CREBBP: variants seen among roughly 807,000 people sequenced by gnomAD.
CREBBP encodes the protein CREB-binding protein.
CREBBP carries 19 observed loss-of-function variants against 265.0 expected under a neutral mutation model. That is an observed-to-expected ratio of 0.07 (90% CI 0.05 to 0.11). The LOEUF (loss-of-function observed/expected upper bound fraction) is 0.11, where lower values mean the gene tolerates loss of function less well. CREBBP is among the 10% of genes least tolerant of loss of function. CREBBP has a pLI of 1.00. For missense variants in CREBBP, 2,525 were observed against 3,219.0 expected (o/e 0.78, Z 5.22); for synonymous variants, 1,457 against 1,223.7 (o/e 1.19, Z -3.98).
chr16:3,810,351 C>T (rs945498056), intron 3 of CREBBP, among the ~76,000 whole-genome samples: 9 of 152,294 alleles, frequency 5.9e-5, no homozygotes, highest in Non-Finnish European at 1.3e-4. Flanking sequence ...GATTCGTGCA[C>T]GTGAATTCTC....
At chr16:3,852,787 C>A (rs2054879544) in intron 1 of CREBBP, among the ~76,000 whole-genome samples, 1 of 152,108 alleles carries the variant, frequency 6.6e-6, no homozygotes, top group Admixed American at 6.5e-5. Context: ...CAAATGGGAA[C>A]TAAAACAACC....
intron 2 of CREBBP, among the ~76,000 whole-genome samples, chr16:3,819,028 C>T (rs2054092923): frequency 6.6e-6 from 1 of 152,260 alleles, no homozygotes. Context: ...AGTTCACCGG[C>T]CTCACGCCAG....
chr16:3,731,738 G>T lies in CREBBP; in HGVS notation c.4890+38C>A, dbSNP rs753164092. ...AGCTGCGAGTCTTTCCCTCCTCCCG[G>T]CCAGAGGCACGGCTGCAGCACCGCA... On this transcript the variant is annotated intron_variant, in intron 29 of 30. Transcript: ENST00000262367. The surrounding 1 kb of genome is among the most constrained non-coding windows in gnomAD (Gnocchi z 7.7). 7 of 1,613,330 alleles carry T rather than the reference G, an allele frequency of 4.3e-6. No individual in the cohort carries two copies. The African/African-American group carries it at 8.0e-5, about 18-fold the overall frequency.
At chr16:3,860,843 G>T (rs1224282736) in intron 1 of CREBBP, among the ~76,000 whole-genome samples, 1 of 151,890 alleles carries the variant, frequency 6.6e-6, no homozygotes, top group African/African-American at 2.4e-5. Context: ...TGTGTTTACT[G>T]ATCTATTACT....
chr16:3,754,903 T>TGA (rs1479171053), intron 19 of CREBBP, among the ~76,000 whole-genome samples: 1 of 152,136 alleles, frequency 6.6e-6, no homozygotes, highest in Admixed American at 6.5e-5. Context: ...TAGTCAAAGT[T>TGA]GAAAATAAAA....
At position 3,767,445 on chromosome 16, in the gene CREBBP, G is replaced by A. The variant is rs376988626; in HGVS notation, c.3250+275C>T. The A allele has an allele frequency of 2.5e-5, 14 of 552,404 alleles. No individual in the cohort carries two copies. In the Admixed American group the frequency reaches 3.6e-4, roughly 14 times the overall value. 34.2% of individuals were successfully genotyped at this position (552,404 alleles called of 1,614,324 possible). On this transcript the variant is annotated intron_variant, in intron 16 of 30. Transcript: ENST00000262367. ...CAAGGACCCAGACACATTTCAACTC[G>A]GCCCCTGCCAGCACCATCAGAAGAC...
At chr16:3,746,389 C>T (rs1408223439) in intron 21 of CREBBP, among the ~76,000 whole-genome samples, 1 of 152,084 alleles carries the variant, frequency 6.6e-6, no homozygotes, top group Non-Finnish European at 1.5e-5. Context: ...GGCACCCGTT[C>T]ATGGTCCTAT....
chr16:3,864,925 G>T (rs1190198663), intron 1 of CREBBP, among the ~76,000 whole-genome samples: 1 of 152,164 alleles, frequency 6.6e-6, no homozygotes, highest in Admixed American at 6.5e-5. Flanking sequence ...AAATTAGCGG[G>T]GCATGGTAGT....
chr16:3,807,566 C>T (rs1273868007), intron 3 of CREBBP, among the ~76,000 whole-genome samples: 2 of 152,126 alleles, frequency 1.3e-5, no homozygotes, highest in African/African-American at 4.8e-5. Context: ...TGTGTAAGCA[C>T]GGGCTGGTGA....
At chr16:3,745,820 G>A (rs1239194499) in intron 21 of CREBBP, among the ~76,000 whole-genome samples, 2 of 152,244 alleles carry the variant, frequency 1.3e-5, no homozygotes, top group Non-Finnish European at 2.9e-5. Flanking sequence ...AACACGGCCA[G>A]TTCAGAGCAG....
At chr16:3,818,526 G>A (rs1009036985) in intron 2 of CREBBP, among the ~76,000 whole-genome samples, 1 of 151,972 alleles carries the variant, frequency 6.6e-6, no homozygotes, top group Non-Finnish European at 1.5e-5. Context: ...TAAAGACCAC[G>A]TTGGCCAGGC....
intron 21 of CREBBP, among the ~76,000 whole-genome samples, 193 bp downstream of exon 21, chr16:3,749,434 G>C (rs1055672606): frequency 6.6e-6 from 1 of 152,146 alleles, no homozygotes; most frequent in African/African-American, 2.4e-5. Context: ...AGTAACTAGA[G>C]TACATGTTAC....
intron 3 of CREBBP, among the ~76,000 whole-genome samples, chr16:3,808,905 A>G (rs1429394092): frequency 1.3e-5 from 2 of 152,104 alleles, no homozygotes; most frequent in Non-Finnish European, 2.9e-5. Flanking sequence ...CACAGGAGAG[A>G]ACGGGATCTG....
In CREBBP at chr16:3,740,528, C is replaced by T. The variant is rs2151341118; in HGVS notation, c.4004G>A (p.Gly1335Glu). ...SAKRLQTTRLGNHLEDRVNKF... is the reference protein window; with the variant it reads ...SAKRLQTTRLENHLEDRVNKF... ...GTTCACTCGGTCTTCCAAGTGGTTT[C>T]CCAGTCTTGTGGTCTGCAGCCCTAG... is the stretch of plus-strand genomic sequence containing the variant. Residue 1335 changes from glycine (G) to glutamate (E), a missense_variant, in exon 24 of 31, where the codon GGA (glycine) becomes GAA (glutamate). By Grantham distance (98) the Gly-to-Glu change is moderately conservative. Around this residue, in one of 19 missense-constraint regions of CREBBP, gnomAD observed 252 missense variants for 452.5 expected, o/e 0.56. Coordinates refer to ENST00000262367, the MANE Select transcript of CREBBP (RefSeq NM_004380.3). 6.2e-7 allele frequency: 1 copy of T among 1,614,190 alleles called. No individual in the cohort carries two copies. The highest frequency in any genetic ancestry group is 1.1e-5 in the South Asian group (1 of 91,076).
chr16:3,778,851 T>G, intron 8 of CREBBP, 34 bp from the exon 9 acceptor site: 1 of 1,585,158 alleles, frequency 6.3e-7, no homozygotes, highest in Non-Finnish European at 8.7e-7. Flanking sequence ...AACTACTTTT[T>G]TTTTTCTTCT....
At chr16:3,825,659 T>C (rs2141394288) in intron 2 of CREBBP, among the ~76,000 whole-genome samples, 1 of 152,296 alleles carries the variant, frequency 6.6e-6, no homozygotes, top group African/African-American at 2.4e-5. Context: ...TCAAAGATGA[T>C]TAAAGATGCT....
Position 3,850,841 on chromosome 16 carries a change from C to G in CREBBP, c.254G>C (p.Gly85Ala). 1 of 1,614,184 alleles carries G rather than the reference C, an allele frequency of 6.2e-7. No homozygotes were observed. The change falls in exon 2 of 31, where the codon GGA becomes GCA. Residue 85 changes from glycine to alanine, a missense_variant. Coordinates refer to ENST00000262367, the MANE Select transcript of CREBBP (RefSeq NM_004380.3). ...RGGSGSSINP[G>A]IGNVSASSPV... is the part of the protein sequence containing the mutation. Reference sequence around the variant, plus strand: ...GCTGCTGGCGCTCACATTTCCTATTCCTGGGTTGATACTAGAGCCGCTGCC... The same window carrying G: ...GCTGCTGGCGCTCACATTTCCTATTGCTGGGTTGATACTAGAGCCGCTGCC...
intron 2 of CREBBP, among the ~76,000 whole-genome samples, chr16:3,816,719 T>C (rs1379782939): frequency 1.3e-5 from 2 of 152,182 alleles, no homozygotes; most frequent in African/African-American, 2.4e-5. Context: ...CATAAATGTT[T>C]GTAATAATCT....
intron 1 of CREBBP, among the ~76,000 whole-genome samples, chr16:3,859,199 ATTT>A (rs1171639349): frequency 6.6e-6 from 1 of 151,630 alleles, no homozygotes; most frequent in Admixed American, 6.6e-5. Flanking sequence ...TTTATTTTTT[ATTT>A]TTTTATTTTT....
Sources: gnomAD v4.1 joint callset for allele counts (sites outside exome capture counted in the v4.1 genomes callset) on GRCh38, gnomAD v4.1.1 for gene constraint, gnomAD v4.1.1 regional missense constraint, Gnocchi (gnomAD v3.1) non-coding constraint, MANE v1.5 for transcripts, NCBI Gene and HGNC (gene_info 2026-07-23, HGNC 2026-07-21) for gene names.